LDLRAD4: variants seen among roughly 807,000 people sequenced by gnomAD.
The protein encoded by LDLRAD4 is low density lipoprotein receptor class A domain containing 4.
In LDLRAD4, 5 loss-of-function variants were observed where a neutral mutation model predicts 17.0. That is an observed-to-expected ratio of 0.29 (90% confidence interval 0.15 to 0.62). LDLRAD4 has a LOEUF of 0.62. Ranked by LOEUF, LDLRAD4 falls within the 20% of genes least tolerant of loss-of-function variation. The probability of loss-of-function intolerance (pLI) is 0.84; values close to 1 mark genes in which losing one functional copy is unlikely to be tolerated. For missense variants in LDLRAD4, 340 were observed against 424.7 expected, an observed-to-expected ratio of 0.80 and a Z score of 1.75; for synonymous variants, 168 against 171.8, an observed-to-expected ratio of 0.98 and a Z score of 0.17.
chr18:13,528,339 G>C (rs1448315722), intron 3 of LDLRAD4, among the ~76,000 whole-genome samples: 1 of 152,196 alleles, frequency 6.6e-6, no homozygotes, highest in Non-Finnish European at 1.5e-5. Flanking sequence ...TTGAGATGGA[G>C]TCTTGCTCTG....
chr18:13,540,919 A>G (rs2094272740), intron 3 of LDLRAD4, among the ~76,000 whole-genome samples: 1 of 152,096 alleles, frequency 6.6e-6, no homozygotes, highest in Non-Finnish European at 1.5e-5. Flanking sequence ...GCCTGTGGGC[A>G]CCTTCATGTG....
chr18:13,645,577 CTG>C lies in LDLRAD4; in HGVS notation c.842_843del (p.Leu281ProfsTer19). On this transcript the variant is annotated frameshift_variant, in exon 6 of 6. Coordinates refer to ENST00000359446, the Ensembl canonical transcript of LDLRAD4. LOFTEE classifies it high-confidence loss of function. This position sits in a 1 kb window ranked among gnomAD's most constrained non-coding sequence, Gnocchi z 5.7. ...CAGCAACGCACACAGGGGCAGCAGACTGCAGTTTCAGCAGAACAATGCAGAGA... is the reference window on the plus strand; with the variant it reads ...CAGCAACGCACACAGGGGCAGCAGACCAGTTTCAGCAGAACAATGCAGAGA... The C allele has an allele frequency of 3.7e-6, 6 of 1,600,882 alleles. No homozygotes were observed. Among genetic ancestry groups the C allele is most frequent in the Non-Finnish European group, 5.1e-6 (6 of 1,174,170 alleles).
chr18:13,400,063 G>C lies in LDLRAD4; in HGVS notation c.40+12301G>C, dbSNP rs1599943177. The stretch of plus-strand genomic sequence containing the variant: ...GTCTGATGCAAACATTTCTGGGCCT[G>C]GAGAGCCAGTCGGCGTTAGCGGTTA... On this transcript the variant is annotated intron_variant, in intron 2 of 5. Coordinates refer to ENST00000359446, the Ensembl canonical transcript of LDLRAD4. 2.0e-5 allele frequency among the ~76,000 whole-genome samples: 3 copies of C among 152,312 alleles called. No individual in the cohort carries two copies. In the South Asian group the frequency reaches 6.2e-4, roughly 32 times the overall value.
chr18:13,438,420 A>G, intron 3 of LDLRAD4, 36 bp downstream of exon 4: 2 of 1,599,616 alleles, frequency 1.3e-6, no homozygotes, highest in Non-Finnish European at 1.7e-6. Flanking sequence ...GCACTGTCTG[A>G]TGTGGTTCTG....
intron 1 of LDLRAD4, among the ~76,000 whole-genome samples, chr18:13,221,861 A>C (rs1393827548): frequency 6.6e-6 from 1 of 152,226 alleles, no homozygotes; most frequent in Non-Finnish European, 1.5e-5. Context: ...ACATAGATAT[A>C]ATTTCTCCCT....
intron 2 of LDLRAD4, among the ~76,000 whole-genome samples, chr18:13,434,646 A>G (rs144684451): frequency 1.2e-4 from 18 of 152,338 alleles, no homozygotes; most frequent in African/African-American, 4.3e-4. Flanking sequence ...GTCAAAGTGT[A>G]GTTTAGGGGT....
intron 3 of LDLRAD4, among the ~76,000 whole-genome samples, chr18:13,594,495 A>T (rs2095067065): frequency 6.6e-6 from 1 of 151,888 alleles, no homozygotes; most frequent in South Asian, 2.1e-4. Context: ...GGTGAAAGCC[A>T]TCCCTACTAA....
intron 1 of LDLRAD4, among the ~76,000 whole-genome samples, chr18:13,291,598 G>A (rs1005174809): frequency 6.6e-6 from 1 of 152,226 alleles, no homozygotes; most frequent in Non-Finnish European, 1.5e-5. Flanking sequence ...AGTAGGCTCT[G>A]CAGGCTGGCC....
intron 1 of LDLRAD4, among the ~76,000 whole-genome samples, chr18:13,238,886 A>G (rs576569417): frequency 1.3e-5 from 2 of 152,212 alleles, no homozygotes; most frequent in Admixed American, 1.3e-4. Flanking sequence ...GAGAGGGGAC[A>G]TTAAGATTGC....
chr18:13,284,431 C>G (rs920470462), intron 1 of LDLRAD4, among the ~76,000 whole-genome samples: 1 of 152,102 alleles, frequency 6.6e-6, no homozygotes, highest in African/African-American at 2.4e-5. Context: ...AACTCAAATG[C>G]GCTAGCAGCT....
intron 3 of LDLRAD4, among the ~76,000 whole-genome samples, chr18:13,605,283 T>C (rs991347206): frequency 1.3e-5 from 2 of 152,240 alleles, no homozygotes; most frequent in Admixed American, 6.5e-5. Context: ...ATTGGCACAA[T>C]CACAGCTCAC....
chr18:13,606,689 G>A (rs1601670724), intron 3 of LDLRAD4, among the ~76,000 whole-genome samples: 1 of 152,156 alleles, frequency 6.6e-6, no homozygotes, highest in East Asian at 1.9e-4. Flanking sequence ...CATAAAGTTT[G>A]TGTTCTTTTA....
Position 13,421,811 on chromosome 18 carries a change from G to GA in LDLRAD4, c.41-16427dup, listed in dbSNP as rs1243650465. 5.3e-5 allele frequency among the ~76,000 whole-genome samples: 8 copies of GA among 152,180 alleles called. No individual in the cohort carries two copies. The East Asian group carries it at 1.3e-3, about 26-fold the overall frequency. Reference sequence around the variant, plus strand: ...TTCCTACAAACTGGGTCCCCTGCAGGAAAAAACGTGCCCTTCAGAGTGCCA... The same window carrying GA: ...TTCCTACAAACTGGGTCCCCTGCAGGAAAAAAACGTGCCCTTCAGAGTGCCA... On this transcript the variant is annotated intron_variant, in intron 2 of 5. Coordinates refer to ENST00000359446, the Ensembl canonical transcript of LDLRAD4.
intron 3 of LDLRAD4, among the ~76,000 whole-genome samples, chr18:13,546,115 T>G (rs2094358315): frequency 6.6e-6 from 1 of 151,196 alleles, no homozygotes. Flanking sequence ...TGGTGGGGAG[T>G]GGGTGGTAAA....
chr18:13,380,133 C>T (rs564690723), intron 1 of LDLRAD4, among the ~76,000 whole-genome samples: 7 of 152,342 alleles, frequency 4.6e-5, no homozygotes, highest in African/African-American at 1.4e-4. Flanking sequence ...TGTGCTCAGA[C>T]CGGGCTCAGA....
rs560717336 is a variant in LDLRAD4, at chr18:13,572,254, C to T, written c.182-48863C>T. Among the ~76,000 whole-genome samples, 57 of 152,284 alleles carry T rather than the reference C, an allele frequency of 3.7e-4. 1 individual carries two copies. Among genetic ancestry groups the T allele is most frequent in the Admixed American group, 7.8e-4 (12 of 15,308 alleles). ...AATGGGTTTAAGTTTATAGTGCTTTCGTTGATGGTTTTCAAGTAACAAAAG... is the reference window on the plus strand; with the variant it reads ...AATGGGTTTAAGTTTATAGTGCTTTTGTTGATGGTTTTCAAGTAACAAAAG... On this transcript the variant is annotated intron_variant, in intron 3 of 5. Transcript: ENST00000359446.
At chr18:13,518,864 T>A (rs1279303034) in intron 3 of LDLRAD4, among the ~76,000 whole-genome samples, 1 of 152,202 alleles carries the variant, frequency 6.6e-6, no homozygotes, top group Non-Finnish European at 1.5e-5. Flanking sequence ...TTCCCATCCT[T>A]TCAAGACTAG....
chr18:13,492,131 C>T (rs925384400), intron 3 of LDLRAD4, among the ~76,000 whole-genome samples: 2 of 152,156 alleles, frequency 1.3e-5, no homozygotes, highest in African/African-American at 4.8e-5. Flanking sequence ...CAAGACAAGA[C>T]CGATTCGGGC....
chr18:13,570,455 C>T (rs187083802), intron 3 of LDLRAD4, among the ~76,000 whole-genome samples: 4 of 152,332 alleles, frequency 2.6e-5, no homozygotes, highest in South Asian at 4.1e-4. Context: ...CCATGGCACC[C>T]GAGGCTTCCA....
Sources: allele counts gnomAD v4.1 joint callset (sites outside exome capture counted in the v4.1 genomes callset), GRCh38; gene constraint gnomAD v4.1.1; non-coding constraint Gnocchi (gnomAD v3.1); transcripts MANE v1.5; gene names NCBI Gene and HGNC (gene_info 2026-07-23, HGNC 2026-07-21).